The following NEMF variants were observed in gnomAD, a reference collection of about 807,000 sequenced individuals.
The protein encoded by NEMF is ribosome quality control complex subunit NEMF.
NEMF carries 89 observed loss-of-function variants against 162.2 expected under a neutral mutation model. The ratio of observed to expected loss-of-function variants is 0.55; its 90% CI spans 0.46 to 0.65. The LOEUF (loss-of-function observed/expected upper bound fraction) is 0.65. Ranked by LOEUF, NEMF falls within the 30% of genes least tolerant of loss-of-function variation. The pLI is 0.00. For synonymous variants in NEMF, 421 were observed against 404.5 expected (o/e 1.04, Z -0.49); for missense variants, 1,133 against 1,261.9 (o/e 0.90, Z 1.55).
chr14:49,842,089 G>A (rs1176505633), intron 4 of NEMF, among the ~76,000 whole-genome samples: 1 of 149,302 alleles, frequency 6.7e-6, no homozygotes, highest in Non-Finnish European at 1.5e-5. Context: ...TGGGCAACAA[G>A]AGCGAAACTC....
chr14:49,799,090 T>C (rs1890826168), intron 25 of NEMF, among the ~76,000 whole-genome samples: 1 of 149,048 alleles, frequency 6.7e-6, no homozygotes, highest in Non-Finnish European at 1.5e-5. Flanking sequence ...ACGCCTGTAG[T>C]CCCAGCTACT....
chr14:49,847,803 A>G (rs1417002116), intron 3 of NEMF, among the ~76,000 whole-genome samples: 1 of 150,346 alleles, frequency 6.7e-6, no homozygotes, highest in African/African-American at 2.5e-5. Context: ...AGGCCGAGGT[A>G]GGTGGATCAC....
chr14:49,790,974 CAA>C (rs1034157846), intron 26 of NEMF, among the ~76,000 whole-genome samples: 1 of 151,970 alleles, frequency 6.6e-6, no homozygotes, highest in African/African-American at 2.4e-5. Flanking sequence ...ACCTGGGCAA[CAA>C]GAGTAAAACT....
chr14:49,832,384 T>C, intron 8 of NEMF, 107 bp from the exon 9 acceptor site: 1 of 728,154 alleles, frequency 1.4e-6, no homozygotes, highest in South Asian at 1.8e-5. Context: ...CAGGCTGGAG[T>C]GCAGTGGTAT....
Position 49,782,126 on chromosome 14 carries a change from C to T in NEMF, c.*2510G>A, listed in dbSNP as rs532233481. 37 of 456,182 alleles carry T rather than the reference C, an allele frequency of 8.1e-5. No individual in the cohort carries two copies. Among genetic ancestry groups the T allele is most frequent in the Non-Finnish European group, 1.3e-4 (34 of 258,750 alleles). The allele number at this position is 456,182 out of a possible 1,614,324, so 28.3% of individuals were successfully genotyped here. A position where few individuals can be genotyped will look rare whatever the true frequency, so the allele number is the denominator to read the frequency against. On this transcript the variant is annotated 3_prime_UTR_variant, in exon 33 of 33. Coordinates refer to ENST00000298310, the MANE Select transcript of NEMF (RefSeq NM_004713.6). The stretch of plus-strand genomic sequence containing the variant: ...GCTAACAAAGACCTAGAGAACAGAT[C>T]GTTCAGTTCAAACTCCTCATTGCAT...
At chr14:49,847,458 C>T (rs572696279) in intron 3 of NEMF, among the ~76,000 whole-genome samples, 16 of 152,138 alleles carry the variant, frequency 1.1e-4, no homozygotes, top group Non-Finnish European at 1.9e-4. Flanking sequence ...CCCACCTCGG[C>T]CTCCCAAAGT....
chr14:49,829,477 G>A (rs777863052), intron 11 of NEMF, 51 bp from the exon 12 acceptor site: 54 of 1,412,784 alleles, frequency 3.8e-5, no homozygotes, highest in Admixed American at 1.5e-4. Context: ...CCTACCTCAT[G>A]ACATCCCTCT....
At chr14:49,823,877 A>G (rs1185602904) in intron 16 of NEMF, among the ~76,000 whole-genome samples, 1 of 152,216 alleles carries the variant, frequency 6.6e-6, no homozygotes, top group African/African-American at 2.4e-5. Context: ...CATGTAAAAT[A>G]TCAACTATCA....
intron 32 of NEMF, 81 bp downstream of exon 32, chr14:49,784,844 T>C: frequency 7.0e-7 from 1 of 1,425,104 alleles, no homozygotes; most frequent in Non-Finnish European, 9.8e-7. Context: ...GACAGCATTT[T>C]CTACTAAAAT....
intron 4 of NEMF, among the ~76,000 whole-genome samples, chr14:49,843,405 G>A (rs1293748257): frequency 6.6e-6 from 1 of 151,964 alleles, no homozygotes; most frequent in African/African-American, 2.4e-5. Flanking sequence ...AAGGCAAGAG[G>A]GTCACTTGAG....
At chr14:49,798,890 G>A (rs1034030577) in intron 25 of NEMF, among the ~76,000 whole-genome samples, 1 of 150,660 alleles carries the variant, frequency 6.6e-6, no homozygotes, top group Non-Finnish European at 1.5e-5. Context: ...CTGGGCGACA[G>A]AGCGAGACTC....
intron 3 of NEMF, 85 bp downstream of exon 3, chr14:49,851,478 C>G: frequency 1.1e-6 from 1 of 873,756 alleles, no homozygotes; most frequent in Non-Finnish European, 1.9e-6. Context: ...GCACTTTATT[C>G]GTAACAGTGA....
At chr14:49,846,079 C>G (rs1893485551) in intron 4 of NEMF, 61 bp downstream of exon 4, 1 of 1,449,338 alleles carries the variant, frequency 6.9e-7, no homozygotes, top group Non-Finnish European at 9.6e-7. Flanking sequence ...TGTTATATAG[C>G]ACTATTACAA....
chr14:49,846,265 A>G lies in NEMF; in HGVS notation c.232T>C (p.Cys78Arg), dbSNP rs1287202775. ...CTCCGACTCTTCAAATGTTTTCGGC[A>G]CTAGCAAGAGAAAGAAAAAGGCATT... is the stretch of plus-strand genomic sequence containing the variant. The part of the protein sequence containing the change: ...NMMPSSFAMK[C>R]RKHLKSRRLV... Residue 78 changes from cysteine (C) to arginine (R), a missense_variant and splice_region_variant, in exon 4 of 33, where the codon TGC (cysteine) becomes CGC (arginine). Cys to Arg is a radical substitution (Grantham distance 180). Coordinates refer to ENST00000298310, the MANE Select transcript of NEMF (RefSeq NM_004713.6). The G allele has an allele frequency of 6.2e-7, 1 of 1,610,478 alleles. No individual in the cohort carries two copies. The highest frequency in any genetic ancestry group is 8.5e-7 in the Non-Finnish European group (1 of 1,179,244).
intron 25 of NEMF, among the ~76,000 whole-genome samples, chr14:49,797,630 C>T (rs147051283): frequency 3.9e-4 from 59 of 151,982 alleles, no homozygotes; most frequent in African/African-American, 1.2e-3. Context: ...AGCGAGACTC[C>T]GTCTCAAAAA....
rs1279674980 is a variant in NEMF, at chr14:49,800,700, T to C, written c.2096-4A>G. The C allele has an allele frequency of 2.5e-6, 4 of 1,610,242 alleles. No homozygotes were observed. The highest frequency in any genetic ancestry group is 2.7e-5 in the African/African-American group (2 of 74,736). ...TCACTGCTCGTGTCACCTCCATCTG[T>C]AGAATTATCATAAGGAAAGTCAGTG... On this transcript the variant is annotated splice_region_variant and splice_polypyrimidine_tract_variant and intron_variant, in intron 22 of 32. Coordinates refer to ENST00000298310, the MANE Select transcript of NEMF (RefSeq NM_004713.6).
intron 26 of NEMF, among the ~76,000 whole-genome samples, chr14:49,791,302 TC>T (rs1380586372): frequency 6.7e-6 from 1 of 150,218 alleles, no homozygotes; most frequent in Admixed American, 6.6e-5. Flanking sequence ...ACCACTGTAC[TC>T]CATCCAGGCT....
At chr14:49,801,265 G>A (rs1725743365) in intron 22 of NEMF, 1 of 152,572 alleles carries the variant, frequency 6.6e-6, no homozygotes, top group Admixed American at 6.5e-5. Context: ...CGAGGTGGGT[G>A]GATCACAAGG....
In NEMF at chr14:49,784,425, C is replaced by T. The variant is rs1388828633; in HGVS notation, c.*211G>A. On this transcript the variant is annotated 3_prime_UTR_variant, in exon 33 of 33. Coordinates refer to ENST00000298310, the MANE Select transcript of NEMF (RefSeq NM_004713.6). ...GTATATTAATTAGCATTTAACTGTC[C>T]ACAAATACTTTTGGAAATCCTATCA... 2 of 458,256 alleles carry T rather than the reference C, an allele frequency of 4.4e-6. No homozygotes were observed. The highest frequency in any genetic ancestry group is 7.7e-6 in the Non-Finnish European group (2 of 258,746). The allele number at this position is 458,256 out of a possible 1,614,324, so 28.4% of individuals were successfully genotyped here.
Sources: gnomAD v4.1 joint callset for allele counts (sites outside exome capture counted in the v4.1 genomes callset) on GRCh38, gnomAD v4.1.1 for gene constraint, MANE v1.5 for transcripts, NCBI Gene and HGNC (gene_info 2026-07-23, HGNC 2026-07-21) for gene names.